The following OSBPL6 variants were observed in gnomAD, a reference collection of about 807,000 sequenced individuals.
OSBPL6 encodes oxysterol-binding protein-related protein 6.
In OSBPL6, 49 loss-of-function variants were observed where a neutral mutation model predicts 125.8. That is an observed-to-expected ratio of 0.39 (90% CI 0.31 to 0.49). The LOEUF (loss-of-function observed/expected upper bound fraction) is 0.49. Among genes scored for constraint, OSBPL6 ranks in the 20% least tolerant of loss-of-function variants. The pLI, the probability that OSBPL6 is intolerant of heterozygous loss-of-function variation, is 0.88. For missense variants in OSBPL6, 986 were observed against 1,135.4 expected, an observed-to-expected ratio of 0.87 and a Z score of 1.89; for synonymous variants, 394 against 391.8, an observed-to-expected ratio of 1.01 and a Z score of -0.07.
intron 3 of OSBPL6, among the ~76,000 whole-genome samples, chr2:178,318,860 A>G (rs1687994338): frequency 6.6e-6 from 1 of 152,218 alleles, no homozygotes; most frequent in South Asian, 2.1e-4. Context: ...GGAATGCGTA[A>G]GATTCCTAGA....
At chr2:178,288,672 G>A (rs888738666) in intron 2 of OSBPL6, among the ~76,000 whole-genome samples, 1 of 151,220 alleles carries the variant, frequency 6.6e-6, no homozygotes, top group Admixed American at 6.6e-5. Flanking sequence ...TTTTGAGAGG[G>A]AGTTTCGCTC....
intron 1 of OSBPL6, among the ~76,000 whole-genome samples, chr2:178,213,103 G>A (rs544097433): frequency 9.9e-5 from 15 of 152,192 alleles, no homozygotes; most frequent in Middle Eastern, 3.4e-3. Flanking sequence ...CAACACGCCC[G>A]GCCGAGCACG....
At chr2:178,216,602 G>A (rs1228941263) in intron 1 of OSBPL6, among the ~76,000 whole-genome samples, 1 of 152,194 alleles carries the variant, frequency 6.6e-6, no homozygotes, top group Non-Finnish European at 1.5e-5. Flanking sequence ...ACATAGTGAT[G>A]GTTGATTAAG....
chr2:178,282,682 G>A (rs939357261), intron 1 of OSBPL6, among the ~76,000 whole-genome samples: 7 of 152,024 alleles, frequency 4.6e-5, no homozygotes, highest in African/African-American at 1.5e-4. Context: ...ACAGAGTTTC[G>A]CTCTTGTTGC....
chr2:178,198,786 G>C (rs939736380), intron 1 of OSBPL6, among the ~76,000 whole-genome samples: 2 of 152,150 alleles, frequency 1.3e-5, no homozygotes, highest in Non-Finnish European at 2.9e-5. Flanking sequence ...AATATTCTGT[G>C]AACTTCTGGC....
At chr2:178,206,041 T>G (rs560072084) in intron 1 of OSBPL6, among the ~76,000 whole-genome samples, 18 of 152,344 alleles carry the variant, frequency 1.2e-4, no homozygotes, top group Admixed American at 7.8e-4. Flanking sequence ...CTACCCAATA[T>G]GCTGATTAAT....
chr2:178,227,480 G>A (rs144319114), intron 1 of OSBPL6, among the ~76,000 whole-genome samples: 4 of 152,254 alleles, frequency 2.6e-5, no homozygotes, highest in Non-Finnish European at 5.9e-5. Context: ...TGGCACATGT[G>A]CATCAAGAAA....
rs370594697 is a variant in OSBPL6, at chr2:178,248,978, C to T, written c.-350-35949C>T. Among the ~76,000 whole-genome samples, 103 of 151,994 alleles carry T rather than the reference C, an allele frequency of 6.8e-4. 1 individual carries two copies. The highest frequency in any genetic ancestry group is 2.4e-3 in the African/African-American group (100 of 41,434). ...TTGAGACAGAGTCTCGCTCTGATGC[C>T]CAGGCTGGAGGGCAGTGGTGCCATC... On this transcript the variant is annotated intron_variant, in intron 1 of 24. Coordinates refer to ENST00000190611, the MANE Select transcript of OSBPL6 (RefSeq NM_032523.4).
intron 11 of OSBPL6, among the ~76,000 whole-genome samples, chr2:178,345,083 T>A (rs1223384848): frequency 6.6e-6 from 1 of 152,142 alleles, no homozygotes; most frequent in Non-Finnish European, 1.5e-5. Context: ...GTCTACAGAA[T>A]ATAAAATAGA....
chr2:178,282,634 G>A (rs1374294227), intron 1 of OSBPL6, among the ~76,000 whole-genome samples: 1 of 152,034 alleles, frequency 6.6e-6, no homozygotes, highest in Non-Finnish European at 1.5e-5. Flanking sequence ...AGGAAGAGAT[G>A]GCTAAGGGAG....
At position 178,389,275 on chromosome 2, in the gene OSBPL6, A is replaced by G. The variant is rs964510030; in HGVS notation, c.2301+122A>G. On this transcript the variant is annotated intron_variant, in intron 21 of 24. Transcript: ENST00000190611. ...TCCTGTATCATTGGTCCTTACGGACATTTTAGATAAGAAAGCAGAACAAAC... is the reference window on the plus strand; with the variant it reads ...TCCTGTATCATTGGTCCTTACGGACGTTTTAGATAAGAAAGCAGAACAAAC... 5 of 963,772 alleles carry G rather than the reference A, an allele frequency of 5.2e-6. No homozygotes were observed. In the Admixed American group the frequency reaches 1.2e-4, roughly 23 times the overall value. 59.7% of individuals were successfully genotyped at this position (963,772 alleles called of 1,614,324 possible).
chr2:178,374,662 C>A (rs913850910), intron 15 of OSBPL6, among the ~76,000 whole-genome samples: 5 of 152,210 alleles, frequency 3.3e-5, no homozygotes, highest in African/African-American at 1.2e-4. Flanking sequence ...ATGAGAAAAG[C>A]AGCCAAAACT....
intron 14 of OSBPL6, among the ~76,000 whole-genome samples, chr2:178,372,962 C>T (rs1040525184): frequency 6.6e-6 from 1 of 152,138 alleles, no homozygotes; most frequent in Non-Finnish European, 1.5e-5. Flanking sequence ...TGAGAACTTA[C>T]ACTTTTTAAC....
At chr2:178,331,047 A>G (rs866034596) in intron 5 of OSBPL6, among the ~76,000 whole-genome samples, 2 of 152,174 alleles carry the variant, frequency 1.3e-5, no homozygotes, top group South Asian at 2.1e-4. Context: ...GCCCACTTAA[A>G]TTTTCCAGAT....
At chr2:178,208,659 TCCCTCCCATCCCCTCCTCTC>T in intron 1 of OSBPL6, among the ~76,000 whole-genome samples, 1 of 75,268 alleles carries the variant, frequency 1.3e-5, no homozygotes. Context: ...CCCCTCCCCT[TCCCTCCCATCCCCTCCTCTC>T]CCCTCCCTTC....
rs567215099 is a variant in OSBPL6 at position 178,267,940 on chromosome 2, C to A, written c.-350-16987C>A. Among the ~76,000 whole-genome samples, 3 of 152,134 alleles carry A rather than the reference C, an allele frequency of 2.0e-5. No individual in the cohort carries two copies. In the South Asian group the frequency reaches 6.2e-4, roughly 32 times the overall value. On this transcript the variant is annotated intron_variant, in intron 1 of 24. Coordinates refer to ENST00000190611, the MANE Select transcript of OSBPL6 (RefSeq NM_032523.4). ...ATACTTCCTAATGATGAAGACCATG[C>A]GTGGTGGGCTTGCAGTGCTTACCAT...
chr2:178,336,221 G>A (rs1262603340), intron 8 of OSBPL6, 80 bp from the exon 9 acceptor site: 14 of 1,485,794 alleles, frequency 9.4e-6, no homozygotes, highest in African/African-American at 1.4e-5. Context: ...TTGTTAATAC[G>A]GTTTTGAGGA....
At chr2:178,339,334 G>A (rs1439431324) in intron 10 of OSBPL6, among the ~76,000 whole-genome samples, 3 of 152,106 alleles carry the variant, frequency 2.0e-5, no homozygotes, top group Admixed American at 1.3e-4. Flanking sequence ...TTCAGTATCT[G>A]AATTATTCTT....
rs932596725 is a variant in OSBPL6, at chr2:178,228,591, G to A, written c.-351+33917G>A. Among the ~76,000 whole-genome samples the A allele has an allele frequency of 8.5e-5, 13 of 152,176 alleles. No individual in the cohort carries two copies. The Middle Eastern group carries it at 0.01, about 119-fold the overall frequency. ...TATCATAATATTAAATTTCCTAATA[G>A]CCAAGTTAAAAAGGACAAAGAAACA... On this transcript the variant is annotated intron_variant, in intron 1 of 24. Transcript: ENST00000190611.
Sources: gnomAD v4.1 joint callset for allele counts (sites outside exome capture counted in the v4.1 genomes callset) on GRCh38, gnomAD v4.1.1 for gene constraint, MANE v1.5 for transcripts, NCBI Gene and HGNC (gene_info 2026-07-23, HGNC 2026-07-21) for gene names.